The following DHRS4 variants were observed in gnomAD, a reference collection of about 807,000 sequenced individuals.
DHRS4 encodes dehydrogenase/reductase 4.
In DHRS4, 20 loss-of-function variants were observed where a neutral mutation model predicts 28.4. The observed-to-expected ratio is 0.71, with a 90% CI of 0.50 to 1.02. The LOEUF (loss-of-function observed/expected upper bound fraction) is 1.02. DHRS4 is among the 50% of genes least tolerant of loss of function. The pLI is 0.00. For synonymous variants in DHRS4, 144 were observed against 146.4 expected, an observed-to-expected ratio of 0.98 and a Z score of 0.12; for missense variants, 378 against 367.2, an observed-to-expected ratio of 1.03 and a Z score of -0.24.
chr14:23,963,615 A>C (rs999150009), intron 3 of DHRS4, among the ~76,000 whole-genome samples: 1 of 148,204 alleles, frequency 6.7e-6, no homozygotes, highest in African/African-American at 2.6e-5. Context: ...TCTTCTGTCC[A>C]GAACATAAGA....
rs149402873 is a variant in DHRS4 at position 23,953,911 on chromosome 14, C to T, written c.123C>T (p.Thr41=). The change falls in exon 1 of 8, where the codon ACC becomes ACT. Residue 41 remains threonine (T), a synonymous_variant. Coordinates refer to ENST00000313250, the MANE Select transcript of DHRS4 (RefSeq NM_021004.4). The part of the protein sequence containing the change: ...ANKVALVTAS[T]DGIGFAIARR... ...AGGTGGCCCTGGTAACGGCCTCCAC[C>T]GACGGGTGAGTGCTCCGGCCGGAGT... is the stretch of plus-strand genomic sequence containing the variant. 1.7e-5 allele frequency: 27 copies of T among 1,589,504 alleles called. No homozygotes were observed. The highest frequency in any genetic ancestry group is 2.2e-5 in the Non-Finnish European group (26 of 1,168,618).
chr14:23,956,617 T>G (rs1176671732), intron 2 of DHRS4, among the ~76,000 whole-genome samples: 3 of 150,776 alleles, frequency 2.0e-5, no homozygotes, highest in Admixed American at 6.6e-5. Context: ...TTTTTTTTTT[T>G]TTTTGAGACA....
intron 3 of DHRS4, among the ~76,000 whole-genome samples, chr14:23,960,273 C>G (rs1467362001): frequency 1.3e-5 from 2 of 152,096 alleles, no homozygotes; most frequent in Non-Finnish European, 2.9e-5. Flanking sequence ...GGCTTTTTCC[C>G]TGGCATGCTC....
intron 3 of DHRS4, among the ~76,000 whole-genome samples, chr14:23,962,561 C>T (rs1216587341): frequency 6.6e-6 from 1 of 151,862 alleles, no homozygotes; most frequent in African/African-American, 2.4e-5. Flanking sequence ...GAGATTGTAG[C>T]AATTCAGTCC....
intron 2 of DHRS4, 86 bp from the exon 3 acceptor site, chr14:23,959,816 G>C: frequency 1.3e-6 from 2 of 1,490,824 alleles, no homozygotes; most frequent in Non-Finnish European, 1.9e-6. Context: ...ACAGCTCCTT[G>C]CCCAGAAGGA....
intron 3 of DHRS4, among the ~76,000 whole-genome samples, chr14:23,961,515 C>T (rs1292255050): frequency 2.6e-5 from 3 of 114,544 alleles, no homozygotes; most frequent in African/African-American, 5.2e-5. Context: ...CAGACTCTTG[C>T]TCTGTCTTTT....
chr14:23,966,920 C>T (rs1365501834), intron 6 of DHRS4, among the ~76,000 whole-genome samples: 1 of 152,268 alleles, frequency 6.6e-6, no homozygotes, highest in Non-Finnish European at 1.5e-5. Flanking sequence ...CATTGGGAGG[C>T]CGAGGCGGGC....
intron 3 of DHRS4, among the ~76,000 whole-genome samples, chr14:23,962,716 C>G (rs1238222797): frequency 6.6e-6 from 1 of 151,230 alleles, no homozygotes; most frequent in Non-Finnish European, 1.5e-5. Flanking sequence ...GATATTTTGA[C>G]CTCCTCCCAT....
chr14:23,966,490 C>T, intron 6 of DHRS4, 73 bp downstream of exon 6: 3 of 1,589,010 alleles, frequency 1.9e-6, no homozygotes, highest in Non-Finnish European at 1.7e-6. Flanking sequence ...GGGAAGCCCA[C>T]TACCTGAGTC....
chr14:23,955,940 CA>C (rs1490516973), intron 2 of DHRS4, among the ~76,000 whole-genome samples: 5 of 152,324 alleles, frequency 3.3e-5, no homozygotes, highest in Admixed American at 2.0e-4. Flanking sequence ...TCACGGCATA[CA>C]CTTTATTTCC....
chr14:23,965,879 G>C, intron 4 of DHRS4, 47 bp downstream of exon 4: 1 of 1,606,682 alleles, frequency 6.2e-7, no homozygotes, highest in Non-Finnish European at 8.5e-7. Flanking sequence ...CACCACACGG[G>C]CTGAGGGCAC....
At chr14:23,957,972 A>T (rs1006189167) in intron 2 of DHRS4, among the ~76,000 whole-genome samples, 1 of 151,516 alleles carries the variant, frequency 6.6e-6, no homozygotes, top group Non-Finnish European at 1.5e-5. Flanking sequence ...AAATGTCTCC[A>T]GGTGATTCTA....
At position 23,966,364 on chromosome 14, in the gene DHRS4, A is replaced by G. The variant is rs752948395; in HGVS notation, c.613A>G (p.Ile205Val). ...GGCCATAGAGCTGGCCCCAAGGAACATTAGGGTGAACTGCCTAGCACCTGG... is the reference window on the plus strand; with the variant it reads ...GGCCATAGAGCTGGCCCCAAGGAACGTTAGGGTGAACTGCCTAGCACCTGG... Reference protein sequence around the residue: ...TLAIELAPRNIRVNCLAPGLI... With the variant: ...TLAIELAPRNVRVNCLAPGLI... Residue 205 changes from isoleucine to valine, a missense_variant, in exon 6 of 8, where the codon ATT becomes GTT. Transcript: ENST00000313250. 2 of 1,613,954 alleles carry G rather than the reference A, an allele frequency of 1.2e-6. No homozygotes were observed. Among genetic ancestry groups the G allele is most frequent in the Non-Finnish European group, 1.7e-6 (2 of 1,180,040 alleles).
chr14:23,958,076 G>A (rs2033247827), intron 2 of DHRS4, among the ~76,000 whole-genome samples: 1 of 152,012 alleles, frequency 6.6e-6, no homozygotes, highest in Non-Finnish European at 1.5e-5. Flanking sequence ...CTAGTAACAA[G>A]TCCATTGGTG....
chr14:23,960,025 G>A (rs769146853), intron 3 of DHRS4, 22 bp downstream of exon 3: 7 of 1,535,776 alleles, frequency 4.6e-6, no homozygotes, highest in Non-Finnish European at 6.2e-6. Flanking sequence ...TTAAAGCAGG[G>A]GGGCCGGGGG....
intron 2 of DHRS4, among the ~76,000 whole-genome samples, chr14:23,959,022 T>C (rs1483799600): frequency 6.6e-6 from 1 of 152,292 alleles, no homozygotes; most frequent in Non-Finnish European, 1.5e-5. Context: ...AAGCCAGTTT[T>C]TCCATTCAGG....
chr14:23,954,971 G>A, intron 1 of DHRS4, 64 bp from the exon 2 acceptor site: 2 of 1,604,132 alleles, frequency 1.2e-6, no homozygotes, highest in Non-Finnish European at 1.7e-6. Flanking sequence ...TAACTTCAGA[G>A]CTCATACTGT....
intron 2 of DHRS4, among the ~76,000 whole-genome samples, chr14:23,958,372 G>A (rs535608697): frequency 1.1e-4 from 16 of 152,134 alleles, no homozygotes; most frequent in South Asian, 2.1e-4. Flanking sequence ...CCGAGGGCCC[G>A]TGTACTGCAA....
chr14:23,957,258 G>C (rs375008831), intron 2 of DHRS4, among the ~76,000 whole-genome samples: 15 of 152,194 alleles, frequency 9.9e-5, no homozygotes, highest in African/African-American at 2.9e-4. Flanking sequence ...TATGACCATT[G>C]TCAGAGAGGA....
Sources: gnomAD v4.1 joint callset for allele counts (sites outside exome capture counted in the v4.1 genomes callset) on GRCh38, gnomAD v4.1.1 for gene constraint, MANE v1.5 for transcripts, NCBI Gene and HGNC (gene_info 2026-07-23, HGNC 2026-07-21) for gene names.